ARMC5: variants seen among roughly 807,000 people sequenced by gnomAD.
ARMC5 encodes armadillo repeat containing 5.
In ARMC5, 28 loss-of-function variants were observed where a neutral mutation model predicts 60.5. That is an observed-to-expected ratio of 0.46 (90% confidence interval 0.34 to 0.63). The LOEUF (loss-of-function observed/expected upper bound fraction) is 0.63. Ranked by LOEUF, ARMC5 falls within the 30% of genes least tolerant of loss-of-function variation. ARMC5 has a pLI of 0.01. For missense variants in ARMC5, 1,189 were observed against 1,304.9 expected, an observed-to-expected ratio of 0.91 and a Z score of 1.37; for synonymous variants, 680 against 607.3, an observed-to-expected ratio of 1.12 and a Z score of -1.76.
At position 31,462,520 on chromosome 16, in the gene ARMC5, G is replaced by A. The variant is rs1188596696; in HGVS notation, c.973G>A (p.Glu325Lys). Residue 325 changes from glutamate to lysine, a missense_variant, in exon 3 of 6, where the codon GAG becomes AAG. Coordinates refer to ENST00000268314, the MANE Select transcript of ARMC5 (RefSeq NM_001105247.2). The surrounding 1 kb of genome is among the most constrained non-coding windows in gnomAD (Gnocchi z 7.2). ...TGCACTGGGCAATGCTGGTGGCGTG[G>A]AGGTGCTGGTAGATGAGCTCCGGCA... Reference protein sequence around the residue: ...RPALGNAGGVEVLVDELRQRR... With the variant: ...RPALGNAGGVKVLVDELRQRR... 1.9e-6 allele frequency: 3 copies of A among 1,611,328 alleles called. No homozygotes were observed. In the Admixed American group the frequency reaches 5.0e-5, roughly 27 times the overall value.
At chr16:31,465,043 G>T (rs754483749) in intron 4 of ARMC5, 156 bp downstream of exon 4, 2 of 1,613,594 alleles carry the variant, frequency 1.2e-6, no homozygotes, top group Admixed American at 3.3e-5. Flanking sequence ...GGAGCAGGGC[G>T]TTCCAGTCCC....
chr16:31,459,953 G>A lies in ARMC5; in HGVS notation c.429G>A (p.Gly143=). 1 of 1,603,132 alleles carries A rather than the reference G, an allele frequency of 6.2e-7. No homozygotes were observed. The highest frequency in any genetic ancestry group is 8.5e-7 in the Non-Finnish European group (1 of 1,179,524). The part of the protein sequence containing the change: ...LSILADCCTE[G]ACRTEVRRLG... Reference sequence around the variant, plus strand: ...TCCTAGCCGATTGCTGTACGGAAGGGGCGTGCCGGACCGAAGTGCGCAGAC... The same window carrying A: ...TCCTAGCCGATTGCTGTACGGAAGGAGCGTGCCGGACCGAAGTGCGCAGAC... Residue 143 remains glycine, a synonymous_variant, in exon 1 of 6, where the codon GGG becomes GGA. Coordinates refer to ENST00000268314, the MANE Select transcript of ARMC5 (RefSeq NM_001105247.2).
At position 31,464,529 on chromosome 16, in the gene ARMC5, C is replaced by T. The variant is rs1596604958; in HGVS notation, c.1506C>T (p.Arg502=). ...CCCCGACCTCGCTGCGGGCACCACG[C>T]ACCCAACGCACTCCGGGCCGCAGCC... ...APTPTSLRAP[R]TQRTPGRSPA... The change falls in exon 4 of 6, where the codon CGC becomes CGT. Residue 502 remains arginine, a synonymous_variant. Transcript: ENST00000268314. This position sits in a 1 kb window ranked among gnomAD's most constrained non-coding sequence, Gnocchi z 7.6. 1.3e-6 allele frequency: 2 copies of T among 1,598,736 alleles called. No individual in the cohort carries two copies. Among genetic ancestry groups the T allele is most frequent in the Middle Eastern group, 1.7e-4 (1 of 5,998 alleles).
At position 31,460,009 on chromosome 16, in the gene ARMC5, C is replaced by G. The variant is rs747668287; in HGVS notation, c.475+10C>G. The G allele has an allele frequency of 3.1e-6, 5 of 1,593,828 alleles. No individual in the cohort carries two copies. The South Asian group carries it at 3.3e-5, about 11-fold the overall frequency. ...GGCATACTCCCTTTGGGTAAGTGCT[C>G]CGCCCCCGTTTCCTAGAAAGATTAG... is the stretch of plus-strand genomic sequence containing the variant. On this transcript the variant is annotated intron_variant, in intron 1 of 5. Transcript: ENST00000268314.
chr16:31,464,333 T>C lies in ARMC5; in HGVS notation c.1371-61T>C. On this transcript the variant is annotated intron_variant, in intron 3 of 5. Coordinates refer to ENST00000268314, the MANE Select transcript of ARMC5 (RefSeq NM_001105247.2). The surrounding 1 kb of genome is among the most constrained non-coding windows in gnomAD (Gnocchi z 7.6). ...AAAAAAAAAGACGCCTCACGCCTCTTGGACTCTGCCCCTTAACCTTGGCTC... is the reference window on the plus strand; with the variant it reads ...AAAAAAAAAGACGCCTCACGCCTCTCGGACTCTGCCCCTTAACCTTGGCTC... 8.3e-7 allele frequency: 1 copy of C among 1,210,678 alleles called. No homozygotes were observed. Among genetic ancestry groups the C allele is most frequent in the South Asian group, 1.7e-5 (1 of 59,546 alleles). 75.0% of individuals were successfully genotyped at this position (1,210,678 alleles called of 1,614,324 possible). A position where few individuals can be genotyped will look rare whatever the true frequency, so the allele number is the denominator to read the frequency against.
chr16:31,466,065 T>G lies in ARMC5; in HGVS notation c.1998-14T>G, dbSNP rs1489528299. On this transcript the variant is annotated splice_polypyrimidine_tract_variant and intron_variant, in intron 5 of 5. Coordinates refer to ENST00000268314, the MANE Select transcript of ARMC5 (RefSeq NM_001105247.2). The surrounding 1 kb of genome is among the most constrained non-coding windows in gnomAD (Gnocchi z 8.0). ...CCGTTGCCCACCTTTTGAAAGGCCC[T>G]CTCTTCCCTGTAGGAAGCCCTCTCT... 6.3e-7 allele frequency: 1 copy of G among 1,594,730 alleles called. No individual in the cohort carries two copies. Among genetic ancestry groups the G allele is most frequent in the East Asian group, 2.2e-5 (1 of 44,816 alleles).
At chr16:31,458,912 T>C, upstream of ARMC5, 2 of 1,535,550 alleles carry the variant, frequency 1.3e-6, no homozygotes, top group Non-Finnish European at 1.7e-6. Context: ...GACACCGGGG[T>C]CCAGCTCCGG....
chr16:31,459,435 G>T (rs766378143), upstream of ARMC5: 5 of 1,542,306 alleles, frequency 3.2e-6, no homozygotes, highest in Admixed American at 3.9e-5. Context: ...CAGCGTCAGC[G>T]AGGCGGTGCC....
chr16:31,458,385 A>C (rs930176739), upstream of ARMC5: 1 of 1,535,170 alleles, frequency 6.5e-7, no homozygotes, highest in African/African-American at 1.4e-5. Context: ...GCACAGGCAT[A>C]GGGCCGAAGC....
Position 31,462,730 on chromosome 16 carries a change from G to A in ARMC5, c.1183G>A (p.Val395Met). 1 of 1,613,818 alleles carries A rather than the reference G, an allele frequency of 6.2e-7. No homozygotes were observed. The highest frequency in any genetic ancestry group is 2.2e-5 in the East Asian group (1 of 44,886). The change falls in exon 3 of 6, where the codon GTG (valine) becomes ATG (methionine). Residue 395 changes from valine (V) to methionine (M), a missense_variant. Physicochemically the swap from Val to Met is conservative, Grantham distance 21. Coordinates refer to ENST00000268314, the MANE Select transcript of ARMC5 (RefSeq NM_001105247.2). The surrounding 1 kb of genome is among the most constrained non-coding windows in gnomAD (Gnocchi z 7.2). ...AWHPRIVAALVGFLYDTGALG... is the reference protein window; with the variant it reads ...AWHPRIVAALMGFLYDTGALG... Reference sequence around the variant, plus strand: ...GCACCCTCGTATTGTGGCTGCCCTTGTGGGGTTTCTGTATGACACTGGGGC... The same window carrying A: ...GCACCCTCGTATTGTGGCTGCCCTTATGGGGTTTCTGTATGACACTGGGGC...
chr16:31,466,413 C>G lies in ARMC5; in HGVS notation c.2332C>G (p.Leu778Val). The change falls in exon 6 of 6, where the codon CTG (leucine) becomes GTG (valine). Residue 778 changes from leucine to valine, a missense_variant. Around this residue, in one of 2 missense-constraint regions of ARMC5, gnomAD observed 862 missense variants for 1,071.2 expected, o/e 0.80. Coordinates refer to ENST00000268314, the MANE Select transcript of ARMC5 (RefSeq NM_001105247.2). This position sits in a 1 kb window ranked among gnomAD's most constrained non-coding sequence, Gnocchi z 8.0. ...CGCCTCCCCTTTCTTCCGGGCCCTG[C>G]TGTCAGGCAGCTTTGCAGAAGCCCA... ...ATASPFFRAL[L>V]SGSFAEAQMD... is the part of the protein sequence containing the mutation. 3 of 1,612,172 alleles carry G rather than the reference C, an allele frequency of 1.9e-6. No individual in the cohort carries two copies. The highest frequency in any genetic ancestry group is 2.5e-6 in the Non-Finnish European group (3 of 1,179,850).
intron 4 of ARMC5, 128 bp downstream of exon 4, chr16:31,465,015 G>A (rs761614454): frequency 7.4e-6 from 12 of 1,611,984 alleles, no homozygotes; most frequent in Non-Finnish European, 1.0e-5. Context: ...CAGACAACCT[G>A]TCACCAGAGT....
rs760080420 is a variant in ARMC5 at position 31,460,011 on chromosome 16, G to C, written c.475+12G>C. ...CATACTCCCTTTGGGTAAGTGCTCC[G>C]CCCCCGTTTCCTAGAAAGATTAGGT... On this transcript the variant is annotated intron_variant, in intron 1 of 5. Coordinates refer to ENST00000268314, the MANE Select transcript of ARMC5 (RefSeq NM_001105247.2). The C allele has an allele frequency of 2.5e-6, 4 of 1,593,062 alleles. No individual in the cohort carries two copies. The South Asian group carries it at 4.4e-5, about 18-fold the overall frequency.
upstream of ARMC5, chr16:31,458,568 T>A: frequency 6.7e-7 from 1 of 1,497,414 alleles, no homozygotes; most frequent in South Asian, 1.2e-5. Context: ...CTGTGGTCAG[T>A]CCACATTTCC....
chr16:31,458,566 A>C, upstream of ARMC5: 1 of 1,500,898 alleles, frequency 6.7e-7, no homozygotes, highest in Non-Finnish European at 9.0e-7. Context: ...GGCTGTGGTC[A>C]GTCCACATTT....
At chr16:31,460,483 C>G (rs1343401837) in intron 1 of ARMC5, among the ~76,000 whole-genome samples, 4 of 152,104 alleles carry the variant, frequency 2.6e-5, no homozygotes, top group Non-Finnish European at 5.9e-5. Flanking sequence ...TAATAGCTAC[C>G]TAAAAAAATC....
Position 31,467,061 on chromosome 16 carries a change from G to A in ARMC5, c.*172G>A. On this transcript the variant is annotated 3_prime_UTR_variant, in exon 6 of 6. Coordinates refer to ENST00000268314, the MANE Select transcript of ARMC5 (RefSeq NM_001105247.2). ...AAAGACCCGGGAGCGAGAAGCCAAG[G>A]CCAGGTTCTGGGTGTAGGGCCCAGA... 1 of 898,544 alleles carries A rather than the reference G, an allele frequency of 1.1e-6. No homozygotes were observed. The highest frequency in any genetic ancestry group is 1.6e-6 in the Non-Finnish European group (1 of 642,316). 55.7% of individuals were successfully genotyped at this position (898,544 alleles called of 1,614,324 possible). A position where few individuals can be genotyped will look rare whatever the true frequency, so the allele number is the denominator to read the frequency against.
In ARMC5 at chr16:31,466,263, C is replaced by T. The variant is rs753445738; in HGVS notation, c.2182C>T (p.Leu728=). The change falls in exon 6 of 6, where the codon CTA becomes TTA. Residue 728 remains leucine (L), a synonymous_variant. Coordinates refer to ENST00000268314, the MANE Select transcript of ARMC5 (RefSeq NM_001105247.2). The surrounding 1 kb of genome is among the most constrained non-coding windows in gnomAD (Gnocchi z 8.0). ...TGTCCCACAGGCAGTCCCCATGGAC[C>T]TAGACTCACCTTCCCCTTGCCTCTA... is the stretch of plus-strand genomic sequence containing the variant. The part of the protein sequence containing the change: ...PAVPQAVPMD[L]DSPSPCLYEP... 1.9e-6 allele frequency: 3 copies of T among 1,613,926 alleles called. 1 individual carries two copies. The highest frequency in any genetic ancestry group is 3.3e-4 in the Middle Eastern group (2 of 6,062).
Position 31,467,131 on chromosome 16 carries a change from C to G in ARMC5, c.*242C>G. On this transcript the variant is annotated 3_prime_UTR_variant, in exon 6 of 6. Coordinates refer to ENST00000268314, the MANE Select transcript of ARMC5 (RefSeq NM_001105247.2). ...CCCCAGGTGCCTGGCCTGGCCTAGACCTCTGGAATTGAGATTAAACAATTT... is the reference window on the plus strand; with the variant it reads ...CCCCAGGTGCCTGGCCTGGCCTAGAGCTCTGGAATTGAGATTAAACAATTT... 4.5e-6 allele frequency: 2 copies of G among 439,656 alleles called. No homozygotes were observed. The highest frequency in any genetic ancestry group is 7.1e-5 in the East Asian group (2 of 28,250). The allele number at this position is 439,656 out of a possible 1,614,324, so 27.2% of individuals were successfully genotyped here.
Sources: allele counts gnomAD v4.1 joint callset (sites outside exome capture counted in the v4.1 genomes callset), GRCh38; gene constraint gnomAD v4.1.1; regional missense constraint gnomAD v4.1.1; non-coding constraint Gnocchi (gnomAD v3.1); transcripts MANE v1.5; gene names NCBI Gene and HGNC (gene_info 2026-07-23, HGNC 2026-07-21).